ZFP82: variants seen among roughly 807,000 people sequenced by gnomAD.
ZFP82 encodes zinc finger protein 82 homolog.
A neutral mutation model predicts 54.0 loss-of-function variants in ZFP82; 30 were observed. The ratio of observed to expected loss-of-function variants is 0.56; its 90% CI spans 0.42 to 0.75. The LOEUF (loss-of-function observed/expected upper bound fraction) is 0.75. ZFP82 is among the 30% of genes least tolerant of loss of function. ZFP82 has a pLI of 0.00. For synonymous variants in ZFP82, 194 were observed against 209.5 expected (o/e 0.93, Z 0.64); for missense variants, 500 against 636.8 (o/e 0.79, Z 2.31).
chr19:36,392,827 G>T lies in ZFP82; in HGVS notation c.1513C>A (p.Pro505Thr). 1.9e-6 allele frequency: 3 copies of T among 1,613,672 alleles called. No individual in the cohort carries two copies. The highest frequency in any genetic ancestry group is 2.5e-6 in the Non-Finnish European group (3 of 1,179,726). Reference protein sequence around the residue: ...QHLRIHSGEKPYECKECKKAF... With the variant: ...QHLRIHSGEKTYECKECKKAF... ...TTCTTACATTCCTTACATTCATAGG[G>T]TTTCTCACCAGAATGAATTCTCAGA... The change falls in exon 5 of 5, where the codon CCC becomes ACC. Residue 505 changes from proline (P) to threonine (T), a missense_variant. Coordinates refer to ENST00000392161, the MANE Select transcript of ZFP82 (RefSeq NM_133466.4).
intron 4 of ZFP82, chr19:36,395,552 T>A (rs896933473): frequency 7.2e-5 from 11 of 152,174 alleles, no homozygotes; most frequent in Admixed American, 4.6e-4. Flanking sequence ...AAGGACTTGC[T>A]AACAGAAGTC....
At chr19:36,418,014 C>G (rs1354926245) in intron 1 of ZFP82, among the ~76,000 whole-genome samples, 29 of 152,088 alleles carry the variant, frequency 1.9e-4, no homozygotes. Context: ...CTCCTAGGCT[C>G]AAGCCATCCT....
rs1165706150 is a variant in ZFP82, at chr19:36,416,756, CAA to C, written c.-79+1734_-79+1735del. On this transcript the variant is annotated intron_variant, in intron 1 of 4. Coordinates refer to ENST00000392161, the MANE Select transcript of ZFP82 (RefSeq NM_133466.4). ...GGGAAATAAGAGCGAAACTCCGTCT[CAA>C]AAAAAAAAAAAAAAAAAAGAATTCC... Among the ~76,000 whole-genome samples, 18 of 68,900 alleles carry C rather than the reference CAA, an allele frequency of 2.6e-4. 1 individual carries two copies. The highest frequency in any genetic ancestry group is 4.4e-4 in the East Asian group (1 of 2,278). 45.2% of individuals were successfully genotyped at this position (68,900 alleles called of 152,430 possible).
chr19:36,418,043 G>A (rs543697196), intron 1 of ZFP82, among the ~76,000 whole-genome samples: 2 of 152,042 alleles, frequency 1.3e-5, no homozygotes. Context: ...AGCCTCTCGA[G>A]TGGCTGGGAC....
intron 1 of ZFP82, among the ~76,000 whole-genome samples, chr19:36,418,033 A>G (rs1455021284): frequency 6.6e-6 from 1 of 151,880 alleles, no homozygotes; most frequent in Non-Finnish European, 1.5e-5. Context: ...CTCCCGCCTC[A>G]GCCTCTCGAG....
In ZFP82 at chr19:36,393,091, T is replaced by C. The variant is rs1408992876; in HGVS notation, c.1249A>G (p.Ile417Val). The C allele has an allele frequency of 6.2e-7, 1 of 1,613,980 alleles. No individual in the cohort carries two copies. Among genetic ancestry groups the C allele is most frequent in the Middle Eastern group, 1.6e-4 (1 of 6,062 alleles). The change falls in exon 5 of 5, where the codon ATT becomes GTT. Residue 417 changes from isoleucine to valine, a missense_variant. Ile to Val is a conservative substitution (Grantham distance 29, BLOSUM62 3). Transcript: ENST00000392161. The part of the protein sequence containing the change: ...SQLISHQSIH[I>V]GVKPYDCKEC... ...TTACAGTCATAGGGCTTAACACCAA[T>C]ATGAATACTCTGATGTGAAATAAGT...
chr19:36,383,356 ACAT>A (rs1298609971), exon 2 of ZFP82: 1 of 152,184 alleles, frequency 6.6e-6, no homozygotes, highest in African/African-American at 2.4e-5. Context: ...AAGGAGAAAA[ACAT>A]CATATCAATG....
At chr19:36,386,526 G>A (rs1438601796), downstream of ZFP82, among the ~76,000 whole-genome samples, 1 of 152,244 alleles carries the variant, frequency 6.6e-6, no homozygotes, top group African/African-American at 2.4e-5. Flanking sequence ...TGTGACAGAT[G>A]CTCTATGGCA....
At chr19:36,415,514 A>G (rs2032655312) in intron 1 of ZFP82, among the ~76,000 whole-genome samples, 1 of 152,052 alleles carries the variant, frequency 6.6e-6, no homozygotes, top group African/African-American at 2.4e-5. Context: ...CAGCCTCCCA[A>G]ATAGCTGGGA....
At position 36,393,623 on chromosome 19, in the gene ZFP82, T is replaced by C; in HGVS notation, c.717A>G (p.Ala239=). The C allele has an allele frequency of 6.2e-7, 1 of 1,614,130 alleles. No individual in the cohort carries two copies. Among genetic ancestry groups the C allele is most frequent in the Middle Eastern group, 1.6e-4 (1 of 6,062 alleles). The change falls in exon 5 of 5, where the codon GCA becomes GCG. Residue 239 remains alanine (A), a synonymous_variant. Transcript: ENST00000392161. ...GCATTTTCTGATGTACTCTAAGATC[T>C]GCACCACATATGAAAGCTTCCCCAC... is the stretch of plus-strand genomic sequence containing the variant. ...KECGEAFICG[A]DLRVHQKMHI...
At chr19:36,400,886 A>G (rs774423299) in intron 4 of ZFP82, among the ~76,000 whole-genome samples, 6 of 152,086 alleles carry the variant, frequency 3.9e-5, no homozygotes, top group Non-Finnish European at 7.4e-5. Flanking sequence ...CCCTTCTCTC[A>G]TCAAGTCACT....
rs2032224452 is a variant in ZFP82 at position 36,392,818 on chromosome 19, A to G, written c.1522T>C (p.Cys508Arg). The part of the protein sequence containing the change: ...RIHSGEKPYE[C>R]KECKKAFRQH... Reference sequence around the variant, plus strand: ...CTAAAGGCCTTCTTACATTCCTTACATTCATAGGGTTTCTCACCAGAATGA... The same window carrying G: ...CTAAAGGCCTTCTTACATTCCTTACGTTCATAGGGTTTCTCACCAGAATGA... The change falls in exon 5 of 5, where the codon TGT becomes CGT. Residue 508 changes from cysteine (C) to arginine (R), a missense_variant. Coordinates refer to ENST00000392161, the MANE Select transcript of ZFP82 (RefSeq NM_133466.4). 6.2e-7 allele frequency: 1 copy of G among 1,613,056 alleles called. No individual in the cohort carries two copies. Among genetic ancestry groups the G allele is most frequent in the Non-Finnish European group, 8.5e-7 (1 of 1,179,492 alleles).
At position 36,394,097 on chromosome 19, in the gene ZFP82, C is replaced by G. The variant is rs759830950; in HGVS notation, c.243G>C (p.Lys81Asn). ...GRRQYPDLET[K>N]YETKKLSLEN... ...CTAAAGATAACTTCTTGGTCTCATA[C>G]TTGGTCTCCAAATCTAAAATAAAAC... The change falls in exon 5 of 5, where the codon AAG becomes AAC. Residue 81 changes from lysine (K) to asparagine (N), a missense_variant. Physicochemically the swap from Lys to Asn is moderately conservative, Grantham distance 94. Transcript: ENST00000392161. 3.7e-6 allele frequency: 6 copies of G among 1,605,252 alleles called. No homozygotes were observed. Among genetic ancestry groups the G allele is most frequent in the Admixed American group, 1.7e-5 (1 of 58,702 alleles).
In ZFP82 at chr19:36,393,285, TG is replaced by T. The variant is rs1020811356; in HGVS notation, c.1054del (p.Gln352AsnfsTer2). 12 of 1,613,864 alleles carry T rather than the reference TG, an allele frequency of 7.4e-6. No individual in the cohort carries two copies. In the Admixed American group the frequency reaches 1.3e-4, roughly 18 times the overall value. On this transcript the variant is annotated frameshift_variant, in exon 5 of 5. Transcript: ENST00000392161. LOFTEE classifies it high-confidence loss of function. Reference protein sequence around the residue: ...ECGKAFRVRQQLTLHQRIHTG... With the variant: ...ECGKAFRVRQXLTLHQRIHTG... ...ATGAATTCTCTGATGGAGTGTTAGT[TG>T]TTGTCGCACTCTAAAGGCCTTCCCG...
chr19:36,411,809 G>A (rs992717203), intron 1 of ZFP82, among the ~76,000 whole-genome samples: 1 of 148,634 alleles, frequency 6.7e-6, no homozygotes, highest in Middle Eastern at 3.2e-3. Context: ...AGCTTGCAGT[G>A]AGGCGGGATC....
rs373296227 is a variant in ZFP82 at position 36,390,329 on chromosome 19, G to GCCTTTTTTTTT, written c.*2411_*2412insAAAAAAAAAGG. The GCCTTTTTTTTT allele has an allele frequency of 2.7e-4, 32 of 120,330 alleles. 2 individuals are homozygous for GCCTTTTTTTTT. Among genetic ancestry groups the GCCTTTTTTTTT allele is most frequent in the South Asian group, 9.6e-4 (4 of 4,150 alleles). The allele number at this position is 120,330 out of a possible 1,614,324, so 7.5% of individuals were successfully genotyped here. A position where few individuals can be genotyped will look rare whatever the true frequency, so the allele number is the denominator to read the frequency against. On this transcript the variant is annotated 3_prime_UTR_variant, in exon 5 of 5. Transcript: ENST00000392161. ...CTTTAAAGTGTAGGATTCCATTTTTGTCTTTTTTTTTTTTTTTTTTGACAT... is the reference window on the plus strand; with the variant it reads ...CTTTAAAGTGTAGGATTCCATTTTTGCCTTTTTTTTTTCTTTTTTTTTTTTTTTTTTGACAT...
chr19:36,396,603 C>A (rs1431254011), intron 4 of ZFP82, among the ~76,000 whole-genome samples: 2 of 151,982 alleles, frequency 1.3e-5, no homozygotes, highest in African/African-American at 2.4e-5. Context: ...TTGCAGTGAG[C>A]CGAGATCGCG....
At chr19:36,384,343 G>C (rs556069080), downstream of ZFP82, 17 of 152,298 alleles carry the variant, frequency 1.1e-4, no homozygotes, top group Non-Finnish European at 2.4e-4. Context: ...TACAAAGCAT[G>C]ATGGGAGTTG....
At chr19:36,414,056 A>C (rs1314221670) in intron 1 of ZFP82, among the ~76,000 whole-genome samples, 3 of 151,876 alleles carry the variant, frequency 2.0e-5, no homozygotes, top group African/African-American at 7.3e-5. Context: ...GCCCGCCACC[A>C]CGCCCGGCTA....
Sources: gnomAD v4.1 joint callset for allele counts (sites outside exome capture counted in the v4.1 genomes callset) on GRCh38, gnomAD v4.1.1 for gene constraint, MANE v1.5 for transcripts, NCBI Gene and HGNC (gene_info 2026-07-23, HGNC 2026-07-21) for gene names.